Variants in SMAD5 observed in about 807,000 individuals in gnomAD.
SMAD5 encodes SMAD family member 5, also known as MAD, mothers against decapentaplegic homolog 5.
SMAD5 carries 9 observed loss-of-function variants against 43.1 expected under a neutral mutation model. The observed-to-expected ratio is 0.21, with a 90% CI of 0.13 to 0.36. The LOEUF is 0.36. Ranked by LOEUF, SMAD5 falls within the 10% of genes least tolerant of loss-of-function variation. SMAD5 has a pLI of 1.00. For synonymous variants in SMAD5, 190 were observed against 192.4 expected, an observed-to-expected ratio of 0.99 and a Z score of 0.10; for missense variants, 348 against 574.0, an observed-to-expected ratio of 0.61 and a Z score of 4.02.
chr5:136,133,459 G>A (rs1752753721), intron 1 of SMAD5: 1 of 152,320 alleles, frequency 6.6e-6, no homozygotes, highest in Non-Finnish European at 1.5e-5. Flanking sequence ...CAAAGATAAG[G>A]ATCCGCGCTT....
At chr5:136,148,320 C>A (rs999289841) in intron 2 of SMAD5, among the ~76,000 whole-genome samples, 1 of 150,606 alleles carries the variant, frequency 6.6e-6, no homozygotes, top group African/African-American at 2.4e-5. Context: ...CTGTTAAATT[C>A]TTTGATAGTC....
chr5:136,150,966 A>G (rs1307766371), intron 2 of SMAD5, among the ~76,000 whole-genome samples: 2 of 152,200 alleles, frequency 1.3e-5, no homozygotes, highest in East Asian at 3.9e-4. Context: ...GCTCAAGCCT[A>G]TAATGCCATC....
rs189498076 is a variant in SMAD5, at chr5:136,144,520, G to A, written c.-244-3312G>A. Reference sequence around the variant, plus strand: ...TTATTGCAAAAGAAAATAGCTTGACGATTTAAGTTCCTTGAAGCCTATTGA... The same window carrying A: ...TTATTGCAAAAGAAAATAGCTTGACAATTTAAGTTCCTTGAAGCCTATTGA... On this transcript the variant is annotated intron_variant, in intron 1 of 7. Transcript: ENST00000545279. Among the ~76,000 whole-genome samples the A allele has an allele frequency of 6.8e-4, 103 of 151,786 alleles. 1 individual carries two copies. The highest frequency in any genetic ancestry group is 9.3e-4 in the Non-Finnish European group (63 of 67,856).
At chr5:136,145,824 A>T (rs1046354633) in intron 1 of SMAD5, among the ~76,000 whole-genome samples, 1 of 151,922 alleles carries the variant, frequency 6.6e-6, no homozygotes, top group Admixed American at 6.6e-5. Context: ...ATTTGAACCC[A>T]AGTTTATTAG....
intron 4 of SMAD5, among the ~76,000 whole-genome samples, chr5:136,161,824 T>C (rs950595492): frequency 2.0e-5 from 3 of 152,232 alleles, no homozygotes; most frequent in African/African-American, 7.2e-5. Context: ...ATGTCATTGA[T>C]AACGTCTTGG....
intron 3 of SMAD5, 110 bp from the exon 4 acceptor site, chr5:136,160,746 G>C: frequency 1.9e-6 from 2 of 1,040,960 alleles, no homozygotes; most frequent in Non-Finnish European, 2.8e-6. Context: ...AAAGTAAATT[G>C]TTTTAATAGG....
At chr5:136,165,094 A>T (rs925183468) in intron 5 of SMAD5, among the ~76,000 whole-genome samples, 1 of 152,048 alleles carries the variant, frequency 6.6e-6, no homozygotes, top group Non-Finnish European at 1.5e-5. Flanking sequence ...AAGCTTTCCT[A>T]TAAAGGTTTT....
At chr5:136,146,484 A>G (rs1203586725) in intron 1 of SMAD5, among the ~76,000 whole-genome samples, 1 of 151,738 alleles carries the variant, frequency 6.6e-6, no homozygotes, top group East Asian at 1.9e-4. Flanking sequence ...AATTGAATCA[A>G]CTTTTCAGGA....
intron 3 of SMAD5, among the ~76,000 whole-genome samples, chr5:136,155,407 A>ACAT: frequency 6.6e-6 from 1 of 152,186 alleles, no homozygotes; most frequent in East Asian, 1.9e-4. Flanking sequence ...TTAGTACAGT[A>ACAT]CATCATCATC....
At chr5:136,165,425 AC>A (rs1165872249) in intron 5 of SMAD5, among the ~76,000 whole-genome samples, 1 of 151,864 alleles carries the variant, frequency 6.6e-6, no homozygotes, top group Non-Finnish European at 1.5e-5. Context: ...CATAAATTTT[AC>A]CATCTTAACT....
intron 1 of SMAD5, among the ~76,000 whole-genome samples, chr5:136,140,585 A>G (rs1457369865): frequency 6.6e-6 from 1 of 151,846 alleles, no homozygotes; most frequent in Non-Finnish European, 1.5e-5. Context: ...TCCCCTAGAT[A>G]TATGCCTGTT....
chr5:136,136,989 G>A (rs1752903401), intron 1 of SMAD5, among the ~76,000 whole-genome samples: 1 of 151,084 alleles, frequency 6.6e-6, no homozygotes, highest in Non-Finnish European at 1.5e-5. Flanking sequence ...GAGCCACCGT[G>A]CCTGGCTGGG....
At position 136,181,778 on chromosome 5, in the gene SMAD5, C is replaced by A. The variant is rs1198166865; in HGVS notation, c.*4298C>A. 2 of 152,270 alleles carry A rather than the reference C, an allele frequency of 1.3e-5. No individual in the cohort carries two copies. Among genetic ancestry groups the A allele is most frequent in the Non-Finnish European group, 2.9e-5 (2 of 68,006 alleles). 9.4% of individuals were successfully genotyped at this position (152,270 alleles called of 1,614,324 possible). A position where few individuals can be genotyped will look rare whatever the true frequency, so the allele number is the denominator to read the frequency against. On this transcript the variant is annotated 3_prime_UTR_variant, in exon 8 of 8. Coordinates refer to ENST00000545279, the MANE Select transcript of SMAD5 (RefSeq NM_005903.7). ...TCAAGCCTTTGTTATATTGGATTATCTTCTCTCTTAAAATACAACTGTATT... is the reference window on the plus strand; with the variant it reads ...TCAAGCCTTTGTTATATTGGATTATATTCTCTCTTAAAATACAACTGTATT...
chr5:136,158,628 G>A (rs1246367930), intron 3 of SMAD5, among the ~76,000 whole-genome samples: 4 of 152,144 alleles, frequency 2.6e-5, no homozygotes, highest in African/African-American at 9.7e-5. Flanking sequence ...GGCCTGGCAC[G>A]GTGGCTCACG....
intron 3 of SMAD5, among the ~76,000 whole-genome samples, chr5:136,154,497 T>C (rs1460106008): frequency 6.6e-6 from 1 of 152,176 alleles, no homozygotes; most frequent in East Asian, 1.9e-4. Flanking sequence ...TGAAGAACTT[T>C]GTTCCTACAG....
At chr5:136,155,808 T>G (rs1265316261) in intron 3 of SMAD5, among the ~76,000 whole-genome samples, 1 of 152,250 alleles carries the variant, frequency 6.6e-6, no homozygotes, top group Admixed American at 6.5e-5. Flanking sequence ...TCTTCCTCTA[T>G]TTCATTCATT....
intron 2 of SMAD5, among the ~76,000 whole-genome samples, chr5:136,148,581 A>T (rs1753344495): frequency 6.6e-6 from 1 of 151,812 alleles, no homozygotes; most frequent in African/African-American, 2.4e-5. Flanking sequence ...CTTGGGGACA[A>T]ACAAAACCTC....
chr5:136,161,130 C>CAA, intron 4 of SMAD5, 23 bp downstream of exon 4: 3 of 1,551,500 alleles, frequency 1.9e-6, no homozygotes, highest in Admixed American at 2.0e-5. Context: ...TTTATTGATA[C>CAA]CAAAAAAAAA....
At chr5:136,155,199 G>GT (rs1475278703) in intron 3 of SMAD5, among the ~76,000 whole-genome samples, 7 of 151,896 alleles carry the variant, frequency 4.6e-5, no homozygotes, top group Non-Finnish European at 1.0e-4. Flanking sequence ...TCTAAGCGCA[G>GT]TTTTTTTTCT....
Sources: allele counts gnomAD v4.1 joint callset (sites outside exome capture counted in the v4.1 genomes callset), GRCh38; gene constraint gnomAD v4.1.1; transcripts MANE v1.5; gene names NCBI Gene and HGNC (gene_info 2026-07-23, HGNC 2026-07-21).